SGO1: variants seen among roughly 807,000 people sequenced by gnomAD.
The protein encoded by SGO1 is shugoshin 1, also known as serologically defined breast cancer antigen NY-BR-85.
A neutral mutation model predicts 50.5 loss-of-function variants in SGO1; 39 were observed. The ratio of observed to expected loss-of-function variants is 0.77; its 90% confidence interval spans 0.60 to 1.01. The LOEUF (loss-of-function observed/expected upper bound fraction) is 1.01. Among genes scored for constraint, SGO1 ranks in the 50% least tolerant of loss-of-function variants. SGO1 has a pLI of 0.00. For synonymous variants in SGO1, 191 were observed against 205.1 expected (o/e 0.93, Z 0.59); for missense variants, 638 against 606.0 (o/e 1.05, Z -0.55).
At chr3:20,186,827 C>G (rs1213461530), upstream of SGO1, among the ~76,000 whole-genome samples, 2 of 152,084 alleles carry the variant, frequency 1.3e-5, no homozygotes, top group East Asian at 3.9e-4. Flanking sequence ...TTAACCTTTG[C>G]CCGTCCAGTC....
rs1559377286 is a variant in SGO1 at position 20,183,803 on chromosome 3, G to A, written c.144C>T (p.Thr48=). Reference sequence around the variant, plus strand: ...AATTTTTCAGCAGTGTAGAAGTGTTGGCTAAAAGAGGATAAAAAAATTTAT... The same window carrying A: ...AATTTTTCAGCAGTGTAGAAGTGTTAGCTAAAAGAGGATAAAAAAATTTAT... The part of the protein sequence containing the change: ...SFIAAPCQII[T]NTSTLLKNYQ... The change falls in exon 3 of 8, where the codon ACC becomes ACT. Residue 48 remains threonine, a splice_region_variant and synonymous_variant. Transcript: ENST00000412997. The A allele has an allele frequency of 1.2e-6, 2 of 1,602,056 alleles. No homozygotes were observed. The highest frequency in any genetic ancestry group is 1.7e-6 in the Non-Finnish European group (2 of 1,177,186).
chr3:20,177,169 T>G (rs1030025150), intron 4 of SGO1: 1 of 152,288 alleles, frequency 6.6e-6, no homozygotes, highest in Non-Finnish European at 1.5e-5. Context: ...CTAACACTAT[T>G]ACTGGCAGTT....
chr3:20,186,564 T>C (rs916968131), upstream of SGO1: 1 of 152,234 alleles, frequency 6.6e-6, no homozygotes, highest in Non-Finnish European at 1.5e-5. Flanking sequence ...AGAATCTCTT[T>C]GGTTGCCTGT....
Position 20,171,071 on chromosome 3 carries a change from C to A in SGO1, c.1444G>T (p.Val482Leu). The change falls in exon 7 of 8, where the codon GTG becomes TTG. Residue 482 changes from valine to leucine, a missense_variant. Physicochemically the swap from Val to Leu is conservative, Grantham distance 32. Coordinates refer to ENST00000412997, the MANE Select transcript of SGO1 (RefSeq NM_001199251.3). ...GCGAGGGTGGGCTCCTTATAGTTCA[C>A]GCTGGCTGTGCACCTACGTTTAGGC... ...ALPKRRCTAS[V>L]NYKEPTLASK... The A allele has an allele frequency of 6.2e-7, 1 of 1,600,540 alleles. No homozygotes were observed. The highest frequency in any genetic ancestry group is 8.5e-7 in the Non-Finnish European group (1 of 1,176,484).
intron 3 of SGO1, among the ~76,000 whole-genome samples, chr3:20,179,010 A>G (rs1701711958): frequency 6.6e-6 from 1 of 152,240 alleles, no homozygotes; most frequent in Admixed American, 6.5e-5. Context: ...ATCTGGCAAG[A>G]TATGATATCA....
chr3:20,175,422 C>T (rs6796884), intron 5 of SGO1, among the ~76,000 whole-genome samples: 94,083 of 152,002 alleles, frequency 0.62, 31,800 homozygotes, highest in East Asian at 0.95. Flanking sequence ...AATGTAAATA[C>T]TCCAAAATTT....
At position 20,174,670 on chromosome 3, in the gene SGO1, T is replaced by G; in HGVS notation, c.861A>C (p.Thr287=). 6.2e-7 allele frequency: 1 copy of G among 1,609,322 alleles called. No individual in the cohort carries two copies. The highest frequency in any genetic ancestry group is 8.5e-7 in the Non-Finnish European group (1 of 1,177,992). Residue 287 remains threonine, a synonymous_variant, in exon 6 of 8, where the codon ACA becomes ACC. Transcript: ENST00000412997. ...SEQTKSKQRD[T]QERKREEKRK... is the part of the protein sequence containing the mutation. ...TTTTCTCTTCTCTTTTTCTTTCTTG[T>G]GTATCTCTTTGCTTACTTTTAGTTT...
At chr3:20,166,369 A>G (rs907839799), downstream of SGO1, among the ~76,000 whole-genome samples, 1 of 152,210 alleles carries the variant, frequency 6.6e-6, no homozygotes, top group African/African-American at 2.4e-5. Flanking sequence ...GATAAAGAAA[A>G]TATGTATACA....
Position 20,169,526 on chromosome 3 carries a change from A to G in SGO1, c.*1178T>C, listed in dbSNP as rs1345805404. Reference sequence around the variant, plus strand: ...ATTGCTCTTTAAAAATGAATAACCTACAAAGTTCTAAAATTTAAAGAGGTA... The same window carrying G: ...ATTGCTCTTTAAAAATGAATAACCTGCAAAGTTCTAAAATTTAAAGAGGTA... On this transcript the variant is annotated 3_prime_UTR_variant, in exon 8 of 8. Transcript: ENST00000412997. 1.0e-6 allele frequency: 1 copy of G among 981,658 alleles called. No individual in the cohort carries two copies. The highest frequency in any genetic ancestry group is 1.1e-4 in the East Asian group (1 of 8,800). 60.8% of individuals were successfully genotyped at this position (981,658 alleles called of 1,614,324 possible). A position where few individuals can be genotyped will look rare whatever the true frequency, so the allele number is the denominator to read the frequency against.
chr3:20,170,816 C>T lies in SGO1; in HGVS notation c.1473-1G>A. The stretch of plus-strand genomic sequence containing the variant: ...AAAAGGGTCCCCTCTTCTCAGTTTC[C>T]TGTAAGAGTAAAAAGAGATCTCAGG... On this transcript the variant is annotated splice_acceptor_variant, in intron 7 of 7. Coordinates refer to ENST00000412997, the MANE Select transcript of SGO1 (RefSeq NM_001199251.3). LOFTEE classifies it high-confidence loss of function. 1.3e-6 allele frequency: 2 copies of T among 1,587,646 alleles called. No homozygotes were observed. Among genetic ancestry groups the T allele is most frequent in the Non-Finnish European group, 1.7e-6 (2 of 1,173,438 alleles).
chr3:20,163,327 A>G (rs1399017036), intron 8 of SGO1, among the ~76,000 whole-genome samples: 1 of 152,172 alleles, frequency 6.6e-6, no homozygotes, highest in Non-Finnish European at 1.5e-5. Flanking sequence ...AACCTGACTG[A>G]TTTTCAATGT....
In SGO1 at chr3:20,176,621, C is replaced by T. The variant is rs1479247500; in HGVS notation, c.455G>A (p.Gly152Glu). The T allele has an allele frequency of 6.4e-7, 1 of 1,565,636 alleles. No homozygotes were observed. Among genetic ancestry groups the T allele is most frequent in the Non-Finnish European group, 8.6e-7 (1 of 1,161,964 alleles). The stretch of plus-strand genomic sequence containing the variant: ...ATTACCTTCTATTTGAAATGATTCT[C>T]CTTGTCCTGGAAGTTCAGTTTCTTC... Reference protein sequence around the residue: ...PLEETELPGQGESFQIEDQIP... With the variant: ...PLEETELPGQEESFQIEDQIP... Residue 152 changes from glycine (G) to glutamate (E), a missense_variant, in exon 5 of 8, where the codon GGA becomes GAA. Coordinates refer to ENST00000412997, the MANE Select transcript of SGO1 (RefSeq NM_001199251.3).
intron 8 of SGO1, among the ~76,000 whole-genome samples, chr3:20,164,174 G>A (rs1182168094): frequency 6.6e-6 from 1 of 152,148 alleles, no homozygotes; most frequent in Non-Finnish European, 1.5e-5. Flanking sequence ...ACGTAGATGT[G>A]AAGATCTTTA....
In SGO1 at chr3:20,170,134, T is replaced by C; in HGVS notation, c.*570A>G. The C allele has an allele frequency of 1.0e-6, 1 of 984,318 alleles. No homozygotes were observed. The highest frequency in any genetic ancestry group is 1.2e-6 in the Non-Finnish European group (1 of 828,918). 61.0% of individuals were successfully genotyped at this position (984,318 alleles called of 1,614,324 possible). A position where few individuals can be genotyped will look rare whatever the true frequency, so the allele number is the denominator to read the frequency against. ...AAGATACATTTTGGGCTGGGCACAG[T>C]GGCTCAGTAATCCCAGCACTTTGGG... On this transcript the variant is annotated 3_prime_UTR_variant, in exon 8 of 8. Coordinates refer to ENST00000412997, the MANE Select transcript of SGO1 (RefSeq NM_001199251.3).
At chr3:20,167,595 C>T (rs2125242493), downstream of SGO1, among the ~76,000 whole-genome samples, 1 of 152,240 alleles carries the variant, frequency 6.6e-6, no homozygotes, top group South Asian at 2.1e-4. Context: ...GATACAAGTT[C>T]ATAGTAATTA....
Position 20,171,216 on chromosome 3 carries a change from A to C in SGO1, c.1299T>G (p.Thr433=), listed in dbSNP as rs916119815. ...TKTPTTTPPE[T]QQSPHLSLKD... ...TCAGGCTAAGATGAGGTGACTGCTG[A>C]GTTTCAGGTGGTGTAGCTACAAAAC... Residue 433 remains threonine (T), a synonymous_variant, in exon 7 of 8, where the codon ACT becomes ACG. Coordinates refer to ENST00000412997, the MANE Select transcript of SGO1 (RefSeq NM_001199251.3). The C allele has an allele frequency of 1.3e-6, 2 of 1,580,932 alleles. No individual in the cohort carries two copies. The highest frequency in any genetic ancestry group is 3.9e-5 in the Admixed American group (2 of 50,660).
rs1260636525 is a variant in SGO1 at position 20,161,007 on chromosome 3, C to CT, written c.*97dup. The CT allele has an allele frequency of 3.9e-6, 6 of 1,557,020 alleles. No individual in the cohort carries two copies. In the African/African-American group the frequency reaches 6.9e-5, roughly 18 times the overall value. On this transcript the variant is annotated 3_prime_UTR_variant, in exon 9 of 9. Coordinates refer to the SGO1 transcript ENST00000263753. Reference sequence around the variant, plus strand: ...ACAGACTGTCAACACCCCTCCATCTCTCCCCCAACACATAAAGCTAGAATC... The same window carrying CT: ...ACAGACTGTCAACACCCCTCCATCTCTTCCCCCAACACATAAAGCTAGAATC...
intron 1 of SGO1, 63 bp from the exon 2 acceptor site, chr3:20,184,097 T>C (rs1286301911): frequency 1.5e-6 from 2 of 1,349,696 alleles, no homozygotes; most frequent in East Asian, 2.5e-5. Context: ...TTAAAAAACA[T>C]AGGCTGTTCA....
At chr3:20,183,555 A>T in intron 3 of SGO1, 53 bp downstream of exon 3, 1 of 1,357,560 alleles carries the variant, frequency 7.4e-7, no homozygotes, top group Non-Finnish European at 1.0e-6. Context: ...GATCTAAACT[A>T]CTTATTCATG....
Sources: gnomAD v4.1 joint callset for allele counts (sites outside exome capture counted in the v4.1 genomes callset) on GRCh38, gnomAD v4.1.1 for gene constraint, MANE v1.5 for transcripts, NCBI Gene and HGNC (gene_info 2026-07-23, HGNC 2026-07-21) for gene names.